The following UBE3A variants were observed in gnomAD, a reference collection of about 807,000 sequenced individuals.
UBE3A encodes the protein ubiquitin protein ligase E3A, also known as ubiquitin-protein ligase E3A.
UBE3A carries 6 observed loss-of-function variants against 83.4 expected under a neutral mutation model. The ratio of observed to expected loss-of-function variants is 0.07; its 90% confidence interval spans 0.04 to 0.14. The LOEUF is 0.14. UBE3A is among the 10% of genes least tolerant of loss of function. UBE3A has a pLI of 1.00. For synonymous variants in UBE3A, 337 were observed against 355.4 expected, an observed-to-expected ratio of 0.95 and a Z score of 0.58; for missense variants, 456 against 1,036.1, an observed-to-expected ratio of 0.44 and a Z score of 7.69.
intron 8 of UBE3A, 99 bp downstream of exon 8, chr15:25,356,592 A>G: frequency 8.2e-7 from 1 of 1,212,142 alleles, no homozygotes; most frequent in South Asian, 1.3e-5. Flanking sequence ...AGTATCAACA[A>G]AGATTCTAAA....
chr15:25,412,157 G>C (rs551460326), intron 1 of UBE3A, among the ~76,000 whole-genome samples, 186 bp from the exon 2 acceptor site: 10 of 152,224 alleles, frequency 6.6e-5, no homozygotes, highest in Non-Finnish European at 1.3e-4. Flanking sequence ...GGCAGGCCCT[G>C]TGGCCTGAGT....
intron 12 of UBE3A, 58 bp from the exon 13 acceptor site, chr15:25,339,315 A>G (rs2074328723): frequency 6.3e-7 from 1 of 1,587,468 alleles, no homozygotes; most frequent in African/African-American, 1.3e-5. Context: ...AAATACACTT[A>G]GAATTAAATG....
In UBE3A at chr15:25,359,416, TGC is replaced by T. The variant is rs1487863382; in HGVS notation, c.1753+965_1753+966del. On this transcript the variant is annotated intron_variant, in intron 7 of 12. Coordinates refer to ENST00000648336, the MANE Select transcript of UBE3A (RefSeq NM_130839.5). ...CACTAGCTAGATTATAGATAAGGGA[TGC>T]GTGTGTGTGTGTGTGTGTGTGTGTG... Among the ~76,000 whole-genome samples, 42 of 116,682 alleles carry T rather than the reference TGC, an allele frequency of 3.6e-4. No individual in the cohort carries two copies. The South Asian group carries it at 5.3e-3, about 15-fold the overall frequency. 76.5% of individuals were successfully genotyped at this position (116,682 alleles called of 152,430 possible).
At chr15:25,399,553 G>A (rs1162111975) in intron 4 of UBE3A, among the ~76,000 whole-genome samples, 1 of 151,812 alleles carries the variant, frequency 6.6e-6, no homozygotes, top group Admixed American at 6.6e-5. Flanking sequence ...TTTGTGGGTC[G>A]ATGTGTCTGT....
intron 1 of UBE3A, among the ~76,000 whole-genome samples, chr15:25,428,773 T>G (rs1892166923): frequency 6.6e-6 from 1 of 152,162 alleles, no homozygotes; most frequent in Admixed American, 6.5e-5. Flanking sequence ...TGGGTGAGGA[T>G]GCTAGAAATG....
chr15:25,352,139 G>A (rs571346121), intron 11 of UBE3A, among the ~76,000 whole-genome samples: 1 of 152,276 alleles, frequency 6.6e-6, no homozygotes, highest in African/African-American at 2.4e-5. Context: ...AGGTTGCAGT[G>A]AACTGAGACT....
At chr15:25,361,509 A>G (rs1028074366) in intron 6 of UBE3A, among the ~76,000 whole-genome samples, 2 of 152,174 alleles carry the variant, frequency 1.3e-5, no homozygotes, top group Non-Finnish European at 2.9e-5. Flanking sequence ...TTGTGTACCT[A>G]TAGAATTATG....
intron 1 of UBE3A, among the ~76,000 whole-genome samples, chr15:25,429,008 G>A (rs1488647050): frequency 6.6e-6 from 1 of 152,116 alleles, no homozygotes; most frequent in Non-Finnish European, 1.5e-5. Flanking sequence ...ATAAAATGAA[G>A]TGCCATACAG....
At position 25,378,457 on chromosome 15, in the gene UBE3A, A is replaced by G. The variant is rs370676523; in HGVS notation, c.63-2694T>C. 3.9e-5 allele frequency among the ~76,000 whole-genome samples: 6 copies of G among 152,282 alleles called. No homozygotes were observed. The East Asian group carries it at 1.2e-3, about 29-fold the overall frequency. The stretch of plus-strand genomic sequence containing the variant: ...GTAATAGGGAGGTGAGCAAGAAACT[A>G]GTATTTGCTGGATGCCTGATAACTT... On this transcript the variant is annotated intron_variant, in intron 4 of 12. Coordinates refer to ENST00000648336, the MANE Select transcript of UBE3A (RefSeq NM_130839.5).
intron 4 of UBE3A, among the ~76,000 whole-genome samples, chr15:25,404,727 C>T (rs1181714575): frequency 6.6e-6 from 1 of 152,162 alleles, no homozygotes; most frequent in African/African-American, 2.4e-5. Context: ...CTCCCTAATA[C>T]CTTCTATCAC....
At position 25,337,484 on chromosome 15, in the gene UBE3A, A is replaced by G. The variant is rs985934401; in HGVS notation, c.*1653T>C. 3 of 152,166 alleles carry G rather than the reference A, an allele frequency of 2.0e-5. No homozygotes were observed. In the South Asian group the frequency reaches 6.2e-4, roughly 31 times the overall value. The allele number at this position is 152,166 out of a possible 1,614,324, so 9.4% of individuals were successfully genotyped here. A position where few individuals can be genotyped will look rare whatever the true frequency, so the allele number is the denominator to read the frequency against. ...TTGTCTTCTTTTTCCACTAAATTAA[A>G]TTATGGTGAAAAGTGCCACAGTTTT... is the stretch of plus-strand genomic sequence containing the variant. On this transcript the variant is annotated 3_prime_UTR_variant, in exon 13 of 13. Transcript: ENST00000648336.
At chr15:25,386,222 C>T (rs1006928922) in intron 4 of UBE3A, among the ~76,000 whole-genome samples, 3 of 152,152 alleles carry the variant, frequency 2.0e-5, no homozygotes, top group African/African-American at 7.2e-5. Context: ...AATCATAAGA[C>T]TACAGAACTC....
intron 1 of UBE3A, chr15:25,420,682 T>C (rs988312494): frequency 1.1e-4 from 16 of 152,152 alleles, no homozygotes; most frequent in African/African-American, 2.9e-4. Flanking sequence ...TGCAGAGAAA[T>C]TGGAACCCTT....
rs1477029660 is a variant in UBE3A at position 25,355,879 on chromosome 15, A to C, written c.2124+13T>G. On this transcript the variant is annotated intron_variant, in intron 9 of 12. Coordinates refer to ENST00000648336, the MANE Select transcript of UBE3A (RefSeq NM_130839.5). ...AATGAAGAGACAAAATGTGACATAA[A>C]AACATTTATTACCTTCCTGTTTTCA... is the stretch of plus-strand genomic sequence containing the variant. 12 of 1,609,144 alleles carry C rather than the reference A, an allele frequency of 7.5e-6. No homozygotes were observed. In the Admixed American group the frequency reaches 2.0e-4, roughly 27 times the overall value.
At chr15:25,404,029 T>C (rs2087830587) in intron 4 of UBE3A, among the ~76,000 whole-genome samples, 1 of 152,182 alleles carries the variant, frequency 6.6e-6, no homozygotes, top group South Asian at 2.1e-4. Flanking sequence ...TGTGCAACAA[T>C]ATTAATATAC....
chr15:25,430,050 T>TA (rs1491541626), intron 1 of UBE3A, among the ~76,000 whole-genome samples: 27 of 108,994 alleles, frequency 2.5e-4, no homozygotes, highest in African/African-American at 4.3e-4. Flanking sequence ...TATATATATA[T>TA]TTATATGTAT....
chr15:25,420,536 GAACA>G (rs1359982280), intron 1 of UBE3A: 1 of 152,040 alleles, frequency 6.6e-6, no homozygotes, highest in African/African-American at 2.4e-5. Context: ...GAAAATATTT[GAACA>G]GACACACAAA....
In UBE3A at chr15:25,438,614, AC is replaced by A. The variant is rs1895900290; in HGVS notation, c.-291del. On this transcript the variant is annotated 5_prime_UTR_variant, in exon 1 of 13. Coordinates refer to ENST00000648336, the MANE Select transcript of UBE3A (RefSeq NM_130839.5). ...CCGCCACCGCCGGGGCTCATGCGGG[AC>A]CCGCGCTTCCTTATCCGGAAAACGA... 2 of 152,884 alleles carry A rather than the reference AC, an allele frequency of 1.3e-5. No individual in the cohort carries two copies. Among genetic ancestry groups the A allele is most frequent in the African/African-American group, 4.8e-5 (2 of 41,412 alleles). 9.5% of individuals were successfully genotyped at this position (152,884 alleles called of 1,614,324 possible). A position where few individuals can be genotyped will look rare whatever the true frequency, so the allele number is the denominator to read the frequency against.
chr15:25,361,406 G>T (rs999755121), intron 6 of UBE3A, among the ~76,000 whole-genome samples: 17 of 152,130 alleles, frequency 1.1e-4, no homozygotes, highest in Admixed American at 7.2e-4. Flanking sequence ...TTACAGGCGT[G>T]AGCAACTGCA....
Sources: gnomAD v4.1 joint callset for allele counts (sites outside exome capture counted in the v4.1 genomes callset) on GRCh38, gnomAD v4.1.1 for gene constraint, MANE v1.5 for transcripts, NCBI Gene and HGNC (gene_info 2026-07-23, HGNC 2026-07-21) for gene names.